The following CMIP variants were observed in gnomAD, a reference collection of about 807,000 sequenced individuals.
CMIP encodes c-Maf inducing protein, also known as C-Maf-inducing protein.
A neutral mutation model predicts 97.3 loss-of-function variants in CMIP; 13 were observed. That is an observed-to-expected ratio of 0.13 (90% CI 0.09 to 0.21). The LOEUF is 0.21. Among genes scored for constraint, CMIP ranks in the 10% least tolerant of loss-of-function variants. CMIP has a pLI of 1.00. For missense variants in CMIP, 847 were observed against 1,024.9 expected (o/e 0.83, Z 2.37); for synonymous variants, 538 against 436.3 (o/e 1.23, Z -2.91).
chr16:81,577,305 C>G (rs2091209204), intron 1 of CMIP, among the ~76,000 whole-genome samples: 1 of 151,570 alleles, frequency 6.6e-6, no homozygotes, highest in Non-Finnish European at 1.5e-5. Context: ...CCACCATCAT[C>G]CCCATTACCA....
At chr16:81,470,245 C>T (rs185006358) in intron 1 of CMIP, among the ~76,000 whole-genome samples, 9 of 152,362 alleles carry the variant, frequency 5.9e-5, no homozygotes, top group East Asian at 1.9e-4. Flanking sequence ...ACAAAGGCGC[C>T]GCAGGGATGC....
chr16:81,483,620 T>G (rs1357522845), intron 1 of CMIP, among the ~76,000 whole-genome samples: 5 of 151,976 alleles, frequency 3.3e-5, no homozygotes, highest in Admixed American at 1.3e-4. Flanking sequence ...TCCCTGACCC[T>G]CCCCCAGCTG....
chr16:81,540,267 G>A (rs979976252), intron 1 of CMIP, among the ~76,000 whole-genome samples: 2 of 152,168 alleles, frequency 1.3e-5, no homozygotes, highest in African/African-American at 2.4e-5. Flanking sequence ...AGTCTTGCCT[G>A]TTGGAGAGCT....
At chr16:81,450,760 A>G (rs527610718) in intron 1 of CMIP, among the ~76,000 whole-genome samples, 1 of 152,356 alleles carries the variant, frequency 6.6e-6, no homozygotes, top group African/African-American at 2.4e-5. Flanking sequence ...GTTTCTTAAA[A>G]TAAATTACAA....
intron 1 of CMIP, among the ~76,000 whole-genome samples, chr16:81,549,082 G>A (rs758242155): frequency 8.5e-5 from 13 of 152,204 alleles, no homozygotes; most frequent in East Asian, 1.9e-4. Context: ...TGGAAAGGGC[G>A]TGGCCCAAAG....
chr16:81,618,057 A>C (rs1485857401), intron 2 of CMIP, among the ~76,000 whole-genome samples: 1 of 152,180 alleles, frequency 6.6e-6, no homozygotes, highest in Admixed American at 6.5e-5. Flanking sequence ...GGAACAACTC[A>C]CATCCGCGTT....
At chr16:81,497,515 T>C (rs990606659) in intron 1 of CMIP, among the ~76,000 whole-genome samples, 4 of 152,304 alleles carry the variant, frequency 2.6e-5, no homozygotes, top group Admixed American at 2.0e-4. Context: ...GGCGACTGTC[T>C]CATTGTTTCA....
intron 1 of CMIP, among the ~76,000 whole-genome samples, chr16:81,460,193 C>T (rs1211433105): frequency 6.6e-6 from 1 of 152,110 alleles, no homozygotes; most frequent in Non-Finnish European, 1.5e-5. Flanking sequence ...GGAAACCCCA[C>T]CCTCCATTCT....
intron 1 of CMIP, among the ~76,000 whole-genome samples, chr16:81,571,259 C>A (rs2091082530): frequency 1.3e-5 from 2 of 152,054 alleles, no homozygotes; most frequent in Admixed American, 6.6e-5. Flanking sequence ...TGCTTGAGGC[C>A]AGGAGTTTGA....
intron 1 of CMIP, among the ~76,000 whole-genome samples, chr16:81,580,696 A>G (rs1482595189): frequency 2.0e-5 from 3 of 151,470 alleles, no homozygotes; most frequent in Non-Finnish European, 4.4e-5. Context: ...TTCGCCTCCC[A>G]AACTGCTGGG....
intron 1 of CMIP, among the ~76,000 whole-genome samples, chr16:81,459,055 C>G (rs551168377): frequency 1.4e-5 from 2 of 142,362 alleles, no homozygotes; most frequent in Non-Finnish European, 3.1e-5. Flanking sequence ...TCACCATCAC[C>G]ATCACTGTCA....
chr16:81,611,907 T>A (rs2091838174), intron 2 of CMIP, among the ~76,000 whole-genome samples: 1 of 152,182 alleles, frequency 6.6e-6, no homozygotes, highest in African/African-American at 2.4e-5. Context: ...ACCAGCAGGT[T>A]GAGTTGGCAG....
chr16:81,601,992 C>T (rs188192081), intron 1 of CMIP, among the ~76,000 whole-genome samples: 3 of 152,264 alleles, frequency 2.0e-5, no homozygotes, highest in African/African-American at 7.2e-5. Context: ...GTGCTCTTGC[C>T]CTTTGTCCCA....
intron 1 of CMIP, among the ~76,000 whole-genome samples, chr16:81,538,360 G>A (rs2090386779): frequency 6.6e-6 from 1 of 152,210 alleles, no homozygotes. Context: ...AGAGAAGGCT[G>A]CCGAATTTCA....
At chr16:81,483,583 C>G (rs866751076) in intron 1 of CMIP, among the ~76,000 whole-genome samples, 8 of 151,566 alleles carry the variant, frequency 5.3e-5, no homozygotes, top group South Asian at 4.2e-4. Flanking sequence ...CTTCCTCTTC[C>G]TCTTCCTCTT....
intron 10 of CMIP, among the ~76,000 whole-genome samples, chr16:81,681,769 G>A (rs1401478837): frequency 6.6e-6 from 1 of 152,198 alleles, no homozygotes; most frequent in Non-Finnish European, 1.5e-5. Context: ...CTGAGCTGCT[G>A]TGGAACTGTG....
chr16:81,569,945 T>TTTCATTCATTCA lies in CMIP; in HGVS notation c.301-37601_301-37590dup, dbSNP rs71146021. On this transcript the variant is annotated intron_variant, in intron 1 of 20. Coordinates refer to ENST00000537098, the MANE Select transcript of CMIP (RefSeq NM_198390.3). The stretch of plus-strand genomic sequence containing the variant: ...AGCGTTCGTTATGAGTGCACTTAAC[T>TTTCATTCATTCA]TTCATTCATTCATTCATTCATTCAT... Among the ~76,000 whole-genome samples the TTTCATTCATTCA allele has an allele frequency of 3.0e-3, 455 of 150,900 alleles. 3 individuals carry two copies. The highest frequency in any genetic ancestry group is 0.01 in the African/African-American group (431 of 41,148).
At chr16:81,468,689 C>T (rs964308339) in intron 1 of CMIP, among the ~76,000 whole-genome samples, 25 of 152,338 alleles carry the variant, frequency 1.6e-4, no homozygotes, top group African/African-American at 3.8e-4. Flanking sequence ...TGCCCGCAAA[C>T]GAGGGTGACT....
intron 19 of CMIP, among the ~76,000 whole-genome samples, chr16:81,706,670 T>A (rs900572748): frequency 6.6e-6 from 1 of 152,028 alleles, no homozygotes; most frequent in Admixed American, 6.5e-5. Flanking sequence ...CCATCCGGGG[T>A]TCCCTTAGTG....
Sources: gnomAD v4.1 joint callset for allele counts (sites outside exome capture counted in the v4.1 genomes callset) on GRCh38, gnomAD v4.1.1 for gene constraint, MANE v1.5 for transcripts, NCBI Gene and HGNC (gene_info 2026-07-23, HGNC 2026-07-21) for gene names.